PEAR1: variants seen among roughly 807,000 people sequenced by gnomAD.
PEAR1 encodes multiple EGF-like domains protein 12.
PEAR1 carries 113 observed loss-of-function variants against 131.2 expected under a neutral mutation model. The observed-to-expected ratio is 0.86, with a 90% confidence interval of 0.74 to 1.01. PEAR1 has a LOEUF of 1.01. PEAR1 is among the 50% of genes least tolerant of loss of function. The pLI, the probability that PEAR1 is intolerant of heterozygous loss-of-function variation, is 0.00. For synonymous variants in PEAR1, 565 were observed against 523.3 expected, an observed-to-expected ratio of 1.08 and a Z score of -1.09; for missense variants, 1,408 against 1,391.1, an observed-to-expected ratio of 1.01 and a Z score of -0.19.
Position 156,913,376 on chromosome 1 carries a change from A to C in PEAR1, c.2512-15A>C. 1.2e-6 allele frequency: 2 copies of C among 1,612,544 alleles called. No homozygotes were observed. The highest frequency in any genetic ancestry group is 4.5e-5 in the East Asian group (2 of 44,824). ...CCTTGCCTCTTGCTCTCCCTCCTGCACTGTCCCCTCTTAGGTTCCAGGCCC... is the reference window on the plus strand; with the variant it reads ...CCTTGCCTCTTGCTCTCCCTCCTGCCCTGTCCCCTCTTAGGTTCCAGGCCC... On this transcript the variant is annotated splice_polypyrimidine_tract_variant and intron_variant, in intron 19 of 22. Transcript: ENST00000292357.
Position 156,905,130 on chromosome 1 carries a change from G to T in PEAR1, c.207-194G>T, listed in dbSNP as rs374564299. 3.5e-4 allele frequency: 413 copies of T among 1,176,482 alleles called. 5 individuals carry two copies. The South Asian group carries it at 5.5e-3, about 16-fold the overall frequency. 72.9% of individuals were successfully genotyped at this position (1,176,482 alleles called of 1,614,324 possible). A position where few individuals can be genotyped will look rare whatever the true frequency, so the allele number is the denominator to read the frequency against. On this transcript the variant is annotated intron_variant, in intron 3 of 22. Transcript: ENST00000292357. ...GCTCTTTCTTTTTTTAATAGACAAG[G>T]TCTCGCTCTGTCACCCAGGCTGGAG...
At position 156,910,032 on chromosome 1, in the gene PEAR1, C is replaced by T. The variant is rs1650867622; in HGVS notation, c.1602C>T (p.Ala534=). ...AGGGGCAGTTTGGAGAAGGTTGTGC[C>T]AGTCGCTGTGACTGTGACCACTCTG... is the stretch of plus-strand genomic sequence containing the variant. ...CPKGQFGEGC[A]SRCDCDHSDG... Residue 534 remains alanine (A), a synonymous_variant, in exon 13 of 23, where the codon GCC becomes GCT. Transcript: ENST00000292357. 16 of 1,613,828 alleles carry T rather than the reference C, an allele frequency of 9.9e-6. No homozygotes were observed. The highest frequency in any genetic ancestry group is 1.4e-5 in the Non-Finnish European group (16 of 1,180,030).
chr1:156,913,029 G>C, intron 18 of PEAR1, 47 bp downstream of exon 18: 1 of 1,605,638 alleles, frequency 6.2e-7, no homozygotes, highest in South Asian at 1.1e-5. Flanking sequence ...CTGGCTCATA[G>C]GCACAAGAGT....
At position 156,907,728 on chromosome 1, in the gene PEAR1, A is replaced by G. The variant is rs149254521; in HGVS notation, c.763A>G (p.Met255Val). The change falls in exon 7 of 23, where the codon ATG becomes GTG. Residue 255 changes from methionine to valine, a missense_variant and splice_region_variant. By Grantham distance (21) the Met-to-Val change is conservative (BLOSUM62 1). Coordinates refer to ENST00000292357, the MANE Select transcript of PEAR1 (RefSeq NM_001080471.3). ...CTCCTGCAGCTGCCCCCCTGGCTGG[A>G]TGGTATGGAGGGTGGGGCCTGTGGG... ...QGSCSCPPGW[M>V]GTICSLPCPE... 7.1e-4 allele frequency: 1,140 copies of G among 1,605,864 alleles called. No homozygotes were observed. Among genetic ancestry groups the G allele is most frequent in the Non-Finnish European group, 9.4e-4 (1,104 of 1,176,090 alleles).
Position 156,905,394 on chromosome 1 carries a change from G to A in PEAR1, c.277G>A (p.Gly93Ser). 1 of 1,608,822 alleles carries A rather than the reference G, an allele frequency of 6.2e-7. No individual in the cohort carries two copies. Among genetic ancestry groups the A allele is most frequent in the Non-Finnish European group, 8.5e-7 (1 of 1,177,454 alleles). Residue 93 changes from glycine (G) to serine (S), a missense_variant, in exon 4 of 23, where the codon GGC (glycine) becomes AGC (serine). Coordinates refer to ENST00000292357, the MANE Select transcript of PEAR1 (RefSeq NM_001080471.3). ...CCGCCAGCGCCTGCAGTGCTGCCAT[G>A]GCTTCTATGAGAGCAGGGGGTTCTG... The part of the protein sequence containing the change: ...DHRQRLQCCH[G>S]FYESRGFCVP...
In PEAR1 at chr1:156,913,524, G is replaced by A. The variant is rs1651511920; in HGVS notation, c.2644+1G>A. On this transcript the variant is annotated splice_donor_variant, in intron 20 of 22. Transcript: ENST00000292357. LOFTEE classifies it high-confidence loss of function. ...CCCCCTCCAGGGCCTCTGGACAGGG[G>A]TAGGTGCCGGGAGGCCAGGGTCTCT... The A allele has an allele frequency of 1.2e-6, 2 of 1,612,034 alleles. No homozygotes were observed. The highest frequency in any genetic ancestry group is 1.7e-5 in the Admixed American group (1 of 59,994).
At position 156,904,817 on chromosome 1, in the gene PEAR1, G is replaced by T. The variant is rs750683216; in HGVS notation, c.171G>T (p.Arg57=). The T allele has an allele frequency of 6.2e-7, 1 of 1,613,884 alleles. No individual in the cohort carries two copies. ...FSLLPSEPCE[R]PWEGPHTCPQ... The stretch of plus-strand genomic sequence containing the variant: ...TGCTCCCCTCAGAGCCCTGCGAGCG[G>T]CCCTGGGAGGGCCCCCATACTTGCC... The change falls in exon 3 of 23, where the codon CGG becomes CGT. Residue 57 remains arginine (R), a synonymous_variant. Coordinates refer to ENST00000292357, the MANE Select transcript of PEAR1 (RefSeq NM_001080471.3).
intron 3 of PEAR1, chr1:156,905,088 G>A (rs540865325): frequency 5.3e-5 from 71 of 1,348,050 alleles, no homozygotes; most frequent in East Asian, 2.3e-4. Flanking sequence ...GGGTTGGGGG[G>A]GGGGCAAGAA....
chr1:156,907,616 C>A lies in PEAR1; in HGVS notation c.651C>A (p.Asp217Glu), dbSNP rs770289359. ...CACCCACTCTGTCCTGCAGCTGTGA[C>A]GTGTCCTGTTCCCAGGGCACTTCTG... ...CPAERTGPSC[D>E]VSCSQGTSGF... The change falls in exon 7 of 23, where the codon GAC becomes GAA. Residue 217 changes from aspartate (D) to glutamate (E), a missense_variant. Transcript: ENST00000292357. 1.2e-6 allele frequency: 2 copies of A among 1,612,134 alleles called. No individual in the cohort carries two copies. The highest frequency in any genetic ancestry group is 2.2e-5 in the East Asian group (1 of 44,868).
chr1:156,913,943 A>G lies in PEAR1; in HGVS notation c.2805A>G (p.Pro935=). 6.2e-7 allele frequency: 1 copy of G among 1,613,998 alleles called. No individual in the cohort carries two copies. Among genetic ancestry groups the G allele is most frequent in the African/African-American group, 1.3e-5 (1 of 75,046 alleles). Residue 935 remains proline (P), a synonymous_variant, in exon 22 of 23, where the codon CCA becomes CCG. Coordinates refer to ENST00000292357, the MANE Select transcript of PEAR1 (RefSeq NM_001080471.3). ...YATIRDLPSL[P]GGPRESSYME... ...CCATCCGGGACCTGCCCAGCTTGCC[A>G]GGGGGCCCCCGGGAGAGCAGCTACA... is the stretch of plus-strand genomic sequence containing the variant.
rs2101541450 is a variant in PEAR1 at position 156,912,528 on chromosome 1, C to T, written c.2115C>T (p.Ser705=). The change falls in exon 17 of 23, where the codon TCC becomes TCT. Residue 705 remains serine (S), a synonymous_variant. Coordinates refer to ENST00000292357, the MANE Select transcript of PEAR1 (RefSeq NM_001080471.3). Reference sequence around the variant, plus strand: ...TGGGGACATTTGGTGCTAACTGCTCCCAGCCATGCCAGTGTGGTCCTGGAG... The same window carrying T: ...TGGGGACATTTGGTGCTAACTGCTCTCAGCCATGCCAGTGTGGTCCTGGAG... The part of the protein sequence containing the change: ...CPLGTFGANC[S]QPCQCGPGEK... 1 of 1,614,022 alleles carries T rather than the reference C, an allele frequency of 6.2e-7. No individual in the cohort carries two copies. The highest frequency in any genetic ancestry group is 1.1e-5 in the South Asian group (1 of 91,080).
intron 1 of PEAR1, among the ~76,000 whole-genome samples, chr1:156,901,785 G>A (rs907396799): frequency 7.9e-5 from 12 of 152,200 alleles, no homozygotes; most frequent in Non-Finnish European, 1.3e-4. Flanking sequence ...ACCACACTGA[G>A]GGAGAGGTGG....
chr1:156,897,735 C>T (rs1042409919), intron 1 of PEAR1, among the ~76,000 whole-genome samples: 2 of 152,234 alleles, frequency 1.3e-5, no homozygotes, highest in Admixed American at 6.5e-5. Flanking sequence ...TTCTTGGAAG[C>T]GGCTGGCCTT....
rs763511512 is a variant in PEAR1 at position 156,907,719 on chromosome 1, C to T, written c.754C>T (p.Pro252Ser). 2.5e-6 allele frequency: 4 copies of T among 1,609,960 alleles called. No homozygotes were observed. The Admixed American group carries it at 5.0e-5, about 20-fold the overall frequency. Residue 252 changes from proline (P) to serine (S), a missense_variant, in exon 7 of 23, where the codon CCT becomes TCT. Pro to Ser is a moderately conservative substitution (Grantham distance 74). Transcript: ENST00000292357. The part of the protein sequence containing the change: ...QTPQGSCSCP[P>S]GWMGTICSLP... ...CCCACAGGGCTCCTGCAGCTGCCCC[C>T]CTGGCTGGATGGTATGGAGGGTGGG...
rs1303172782 is a variant in PEAR1 at position 156,915,865 on chromosome 1, G to C, written c.*1067G>C. The C allele has an allele frequency of 3.3e-5, 5 of 152,272 alleles. No individual in the cohort carries two copies. The allele number at this position is 152,272 out of a possible 1,614,324, so 9.4% of individuals were successfully genotyped here. A position where few individuals can be genotyped will look rare whatever the true frequency, so the allele number is the denominator to read the frequency against. Reference sequence around the variant, plus strand: ...AAGGCTGAGTGGCTGACTGAATTAAGTACCAGTGACATGCAGTAACTGCTA... The same window carrying C: ...AAGGCTGAGTGGCTGACTGAATTAACTACCAGTGACATGCAGTAACTGCTA... On this transcript the variant is annotated 3_prime_UTR_variant, in exon 23 of 23. Transcript: ENST00000292357.
In PEAR1 at chr1:156,906,751, C is replaced by G; in HGVS notation, c.515C>G (p.Pro172Arg). The G allele has an allele frequency of 6.2e-7, 1 of 1,614,228 alleles. No individual in the cohort carries two copies. The highest frequency in any genetic ancestry group is 1.3e-5 in the African/African-American group (1 of 75,058). The change falls in exon 6 of 23, where the codon CCG becomes CGG. Residue 172 changes from proline to arginine, a missense_variant. Physicochemically the swap from Pro to Arg is moderately radical, Grantham distance 103. Coordinates refer to ENST00000292357, the MANE Select transcript of PEAR1 (RefSeq NM_001080471.3). ...TCTTGCCCTTCTGGTCTGCAGCCCC[C>G]GAACTGCCTTCAGCCCTGTACCCCT... ...VCSCPSGLQP[P>R]NCLQPCTPGY...
At chr1:156,912,171 A>T in intron 15 of PEAR1, 76 bp from the exon 16 acceptor site, 1 of 1,527,646 alleles carries the variant, frequency 6.5e-7, no homozygotes, top group Non-Finnish European at 8.8e-7. Flanking sequence ...TAAAGGCTTC[A>T]GTGATGCTGG....
In PEAR1 at chr1:156,912,753, C is replaced by T. The variant is rs764534948; in HGVS notation, c.2210-17C>T. On this transcript the variant is annotated splice_polypyrimidine_tract_variant and intron_variant, in intron 17 of 22. Transcript: ENST00000292357. ...GAGCCAAGATGCCATTCTGAGTGAGCACCCCATTCCACACAGGAATCCAGG... is the reference window on the plus strand; with the variant it reads ...GAGCCAAGATGCCATTCTGAGTGAGTACCCCATTCCACACAGGAATCCAGG... The T allele has an allele frequency of 3.1e-6, 5 of 1,613,842 alleles. No homozygotes were observed. Among genetic ancestry groups the T allele is most frequent in the Non-Finnish European group, 4.2e-6 (5 of 1,179,728 alleles).
chr1:156,904,701 C>T, intron 2 of PEAR1, 47 bp from the exon 3 acceptor site: 1 of 1,543,228 alleles, frequency 6.5e-7, no homozygotes, highest in Non-Finnish European at 8.7e-7. Flanking sequence ...TGTGGCCGCT[C>T]AGGCCTCCTC....
Sources: gnomAD v4.1 joint callset for allele counts (sites outside exome capture counted in the v4.1 genomes callset) on GRCh38, gnomAD v4.1.1 for gene constraint, MANE v1.5 for transcripts, NCBI Gene and HGNC (gene_info 2026-07-23, HGNC 2026-07-21) for gene names.